PCDH9: variants seen among roughly 807,000 people sequenced by gnomAD.
PCDH9 encodes the protein protocadherin 9.
A neutral mutation model predicts 70.6 loss-of-function variants in PCDH9; 24 were observed. The observed-to-expected ratio is 0.34, with a 90% CI of 0.25 to 0.48. PCDH9 has a LOEUF of 0.48. Ranked by LOEUF, PCDH9 falls within the 20% of genes least tolerant of loss-of-function variation. The probability of loss-of-function intolerance (pLI) is 0.99; values close to 1 mark genes in which losing one functional copy is unlikely to be tolerated. For missense variants in PCDH9, 1,281 were observed against 1,503.6 expected, an observed-to-expected ratio of 0.85 and a Z score of 2.45; for synonymous variants, 562 against 558.5, an observed-to-expected ratio of 1.01 and a Z score of -0.09.
In PCDH9 at chr13:66,689,509, T is replaced by A. The variant is rs147939628; in HGVS notation, c.3139-58098A>T. On this transcript the variant is annotated intron_variant, in intron 3 of 4. Coordinates refer to ENST00000377865, the MANE Select transcript of PCDH9 (RefSeq NM_203487.3). ...AAATCAATTTTTTTCAGGAAAAAAA[T>A]TAATTTGCTGTGTACTTATTTAAAT... Among the ~76,000 whole-genome samples, 69 of 152,176 alleles carry A rather than the reference T, an allele frequency of 4.5e-4. 1 individual carries two copies. Among genetic ancestry groups the A allele is most frequent in the African/African-American group, 1.5e-3 (61 of 41,524 alleles).
At chr13:66,962,924 A>C (rs2083371869) in intron 2 of PCDH9, among the ~76,000 whole-genome samples, 1 of 152,200 alleles carries the variant, frequency 6.6e-6, no homozygotes, top group African/African-American at 2.4e-5. Flanking sequence ...TGAAATAATT[A>C]CACAGCTCAC....
chr13:66,981,383 A>G (rs2083764372), intron 2 of PCDH9, among the ~76,000 whole-genome samples: 1 of 150,594 alleles, frequency 6.6e-6, no homozygotes, highest in African/African-American at 2.4e-5. Flanking sequence ...GGTTGCAATG[A>G]GCCGAGATCG....
At chr13:66,838,419 G>C (rs2139423924) in intron 3 of PCDH9, among the ~76,000 whole-genome samples, 1 of 151,746 alleles carries the variant, frequency 6.6e-6, no homozygotes, top group East Asian at 1.9e-4. Flanking sequence ...AAAAAATAAG[G>C]TCTGAATTGT....
rs192934599 is a variant in PCDH9 at position 67,093,973 on chromosome 13, A to G, written c.3036+131432T>C. ...TTTGGTATAAAATAGAAAGTAGAAC[A>G]AGAATTTTCTACTCTTCTTTTCCAT... On this transcript the variant is annotated intron_variant, in intron 2 of 4. Coordinates refer to ENST00000377865, the MANE Select transcript of PCDH9 (RefSeq NM_203487.3). Among the ~76,000 whole-genome samples, 560 of 152,334 alleles carry G rather than the reference A, an allele frequency of 3.7e-3. 6 individuals carry two copies. Among genetic ancestry groups the G allele is most frequent in the African/African-American group, 0.013 (537 of 41,572 alleles).
chr13:67,173,318 A>C (rs1174575753), intron 2 of PCDH9, among the ~76,000 whole-genome samples: 3 of 152,214 alleles, frequency 2.0e-5, no homozygotes, highest in African/African-American at 7.2e-5. Context: ...ACCACCTAAG[A>C]GGTACAGGTA....
intron 2 of PCDH9, chr13:67,214,524 A>T (rs1049352502): frequency 3.9e-5 from 6 of 152,182 alleles, no homozygotes; most frequent in African/African-American, 1.4e-4. Flanking sequence ...GGGGACGTAA[A>T]TTCATTACAA....
chr13:66,509,161 G>A (rs1959340021), intron 4 of PCDH9, among the ~76,000 whole-genome samples: 2 of 152,092 alleles, frequency 1.3e-5, no homozygotes, highest in Admixed American at 6.5e-5. Flanking sequence ...ACAGATTTTT[G>A]TCCTGATTCT....
rs555365343 is a variant in PCDH9, at chr13:66,585,072, A to T, written c.3340+46138T>A. Among the ~76,000 whole-genome samples the T allele has an allele frequency of 5.5e-4, 83 of 151,960 alleles. 1 individual carries two copies. Among genetic ancestry groups the T allele is most frequent in the Non-Finnish European group, 8.2e-4 (56 of 67,952 alleles). ...AATTAGAAATTTGAGGGACTGAGGT[A>T]TGGGGGTTCATATTCAGAGAGTGCA... On this transcript the variant is annotated intron_variant, in intron 4 of 4. Transcript: ENST00000377865.
chr13:66,808,301 T>G (rs1194093716), intron 3 of PCDH9, among the ~76,000 whole-genome samples: 3 of 152,134 alleles, frequency 2.0e-5, no homozygotes, highest in Non-Finnish European at 4.4e-5. Context: ...CTGAGTTTGA[T>G]ACTATATCCT....
At chr13:66,877,998 C>T (rs774315421) in intron 3 of PCDH9, among the ~76,000 whole-genome samples, 9 of 152,032 alleles carry the variant, frequency 5.9e-5, no homozygotes, top group Non-Finnish European at 1.3e-4. Context: ...CTCTCTTTTC[C>T]TTGATCAGCA....
At chr13:67,101,644 T>C (rs1594513377) in intron 2 of PCDH9, among the ~76,000 whole-genome samples, 1 of 152,344 alleles carries the variant, frequency 6.6e-6, no homozygotes, top group East Asian at 1.9e-4. Flanking sequence ...ATTTGTATGT[T>C]GGTGTTACAC....
intron 3 of PCDH9, among the ~76,000 whole-genome samples, chr13:66,682,434 G>A (rs1270673613): frequency 6.6e-6 from 1 of 151,830 alleles, no homozygotes. Flanking sequence ...TTAGTGAGAA[G>A]GAAGAGAGAG....
In PCDH9 at chr13:67,148,741, A is replaced by G. The variant is rs549911671; in HGVS notation, c.3036+76664T>C. Among the ~76,000 whole-genome samples the G allele has an allele frequency of 4.6e-5, 7 of 152,336 alleles. No individual in the cohort carries two copies. The East Asian group carries it at 1.4e-3, about 29-fold the overall frequency. On this transcript the variant is annotated intron_variant, in intron 2 of 4. Transcript: ENST00000377865. ...TTATTAACCATTAAAAGCCTGAGAA[A>G]AAGCTGATTGAGGTTTGAATGTTTC... is the stretch of plus-strand genomic sequence containing the variant.
rs568114437 is a variant in PCDH9 at position 66,613,876 on chromosome 13, A to T, written c.3340+17334T>A. On this transcript the variant is annotated intron_variant, in intron 4 of 4. Transcript: ENST00000377865. ...TGACTTTAATATTTAAGAAATAAAA[A>T]CAACCCTAAAGACTATTAGTAAAAT... 9.2e-5 allele frequency among the ~76,000 whole-genome samples: 14 copies of T among 152,314 alleles called. No individual in the cohort carries two copies. In the South Asian group the frequency reaches 2.9e-3, roughly 32 times the overall value.
chr13:66,370,507 G>T (rs1956628537), intron 4 of PCDH9, among the ~76,000 whole-genome samples: 1 of 147,728 alleles, frequency 6.8e-6, no homozygotes, highest in Admixed American at 6.7e-5. Flanking sequence ...TTTTATTTAT[G>T]TATTCATTTT....
rs554623594 is a variant in PCDH9, at chr13:66,303,102, T to C, written c.*1553A>G. On this transcript the variant is annotated 3_prime_UTR_variant, in exon 5 of 5. Transcript: ENST00000377865. ...CTATCAGATTAGCAAACCTTTTTTT[T>C]AAATTTTTTGTTTTTTTTTTGTTTT... is the stretch of plus-strand genomic sequence containing the variant. 2 of 152,532 alleles carry C rather than the reference T, an allele frequency of 1.3e-5. No individual in the cohort carries two copies. The highest frequency in any genetic ancestry group is 3.4e-3 in the Middle Eastern group (1 of 294). 9.4% of individuals were successfully genotyped at this position (152,532 alleles called of 1,614,324 possible). A position where few individuals can be genotyped will look rare whatever the true frequency, so the allele number is the denominator to read the frequency against.
rs1955935342 is a variant in PCDH9 at position 66,331,175 on chromosome 13, A to G, written c.3341-26147T>C. 2.6e-5 allele frequency among the ~76,000 whole-genome samples: 4 copies of G among 152,138 alleles called. No homozygotes were observed. The South Asian group carries it at 8.3e-4, about 32-fold the overall frequency. On this transcript the variant is annotated intron_variant, in intron 4 of 4. Transcript: ENST00000377865. ...TCCATGTGTGTTTGCATATCCTGGA[A>G]CATATTCAGTTATTTAAAACAAGAA...
intron 2 of PCDH9, among the ~76,000 whole-genome samples, chr13:67,019,849 C>G (rs563363742): frequency 5.3e-4 from 81 of 152,280 alleles, no homozygotes; most frequent in Non-Finnish European, 9.3e-4. Context: ...ACTTCAGGGA[C>G]AATGAGCAAA....
chr13:66,348,321 C>T lies in PCDH9; in HGVS notation c.3341-43293G>A, dbSNP rs572476739. Among the ~76,000 whole-genome samples, 6 of 152,228 alleles carry T rather than the reference C, an allele frequency of 3.9e-5. 1 individual carries two copies. The South Asian group carries it at 8.3e-4, about 21-fold the overall frequency. On this transcript the variant is annotated intron_variant, in intron 4 of 4. Coordinates refer to ENST00000377865, the MANE Select transcript of PCDH9 (RefSeq NM_203487.3). ...AACATTCCCTGTCTTCAGACTACTT[C>T]TACCATAGAAATGTTCAATAACTGC...
Sources: gnomAD v4.1 joint callset for allele counts (sites outside exome capture counted in the v4.1 genomes callset) on GRCh38, gnomAD v4.1.1 for gene constraint, MANE v1.5 for transcripts, NCBI Gene and HGNC (gene_info 2026-07-23, HGNC 2026-07-21) for gene names.